PSMB2: variants seen among roughly 807,000 people sequenced by gnomAD.
PSMB2 encodes proteasome subunit beta type-2.
PSMB2 carries 13 observed loss-of-function variants against 25.7 expected under a neutral mutation model. The observed-to-expected ratio is 0.51, with a 90% CI of 0.33 to 0.80. The LOEUF is 0.80. Among genes scored for constraint, PSMB2 ranks in the 30% least tolerant of loss-of-function variants. The pLI is 0.02. For missense variants in PSMB2, 202 were observed against 259.0 expected, an observed-to-expected ratio of 0.78 and a Z score of 1.51; for synonymous variants, 87 against 96.2, an observed-to-expected ratio of 0.90 and a Z score of 0.56.
intron 3 of PSMB2, among the ~76,000 whole-genome samples, chr1:35,611,545 C>T (rs189666862): frequency 3.7e-4 from 56 of 152,136 alleles, no homozygotes; most frequent in Non-Finnish European, 4.3e-4. Context: ...AAGTCTTGGC[C>T]GGGCACGGTG....
In PSMB2 at chr1:35,602,209, G is replaced by C. The variant is rs1305476118; in HGVS notation, c.*1058C>G. 1 of 152,466 alleles carries C rather than the reference G, an allele frequency of 6.6e-6. No individual in the cohort carries two copies. The highest frequency in any genetic ancestry group is 2.4e-5 in the African/African-American group (1 of 41,460). The allele number at this position is 152,466 out of a possible 1,614,324, so 9.4% of individuals were successfully genotyped here. On this transcript the variant is annotated 3_prime_UTR_variant, in exon 6 of 6. Coordinates refer to ENST00000373237, the MANE Select transcript of PSMB2 (RefSeq NM_002794.5). ...AGCTGGGCATTGGTGGTGTGCGCCT[G>C]TAATCCTAGCTACTCAGGAGGCTGA... is the stretch of plus-strand genomic sequence containing the variant.
Position 35,603,070 on chromosome 1 carries a change from A to G in PSMB2, c.*197T>C. ...CAGGAAGAAAAGTCAGACCTGGCAA[A>G]AAGATCATCTTCCCTCCATATCCTT... is the stretch of plus-strand genomic sequence containing the variant. On this transcript the variant is annotated 3_prime_UTR_variant, in exon 6 of 6. Transcript: ENST00000373237. The G allele has an allele frequency of 2.2e-6, 3 of 1,347,304 alleles. No homozygotes were observed. The highest frequency in any genetic ancestry group is 2.9e-6 in the Non-Finnish European group (3 of 1,050,100). The allele number at this position is 1,347,304 out of a possible 1,614,324, so 83.5% of individuals were successfully genotyped here.
intron 3 of PSMB2, among the ~76,000 whole-genome samples, chr1:35,612,306 C>T (rs1253408452): frequency 6.7e-6 from 1 of 149,676 alleles, no homozygotes; most frequent in African/African-American, 2.5e-5. Flanking sequence ...TTTTTTTTAA[C>T]ATGTAAAACT....
rs535496540 is a variant in PSMB2, at chr1:35,623,458, G to C, written c.285+7816C>G. Reference sequence around the variant, plus strand: ...CCAAGAGCTGCATAATGAACATCTTGGTTTTCGTTTTTTATTTTTGAATTT... The same window carrying C: ...CCAAGAGCTGCATAATGAACATCTTCGTTTTCGTTTTTTATTTTTGAATTT... On this transcript the variant is annotated intron_variant, in intron 3 of 5. Coordinates refer to ENST00000373237, the MANE Select transcript of PSMB2 (RefSeq NM_002794.5). Among the ~76,000 whole-genome samples, 65 of 152,264 alleles carry C rather than the reference G, an allele frequency of 4.3e-4. 1 individual carries two copies. The highest frequency in any genetic ancestry group is 1.3e-4 in the Non-Finnish European group (9 of 68,030).
intron 1 of PSMB2, 141 bp downstream of exon 1, chr1:35,641,201 T>C: frequency 1.8e-6 from 2 of 1,111,864 alleles, no homozygotes; most frequent in Non-Finnish European, 1.3e-6. Context: ...AAAAAATAAA[T>C]AAATAAATAA....
At chr1:35,638,639 G>A (rs1228169369) in intron 1 of PSMB2, among the ~76,000 whole-genome samples, 2 of 152,108 alleles carry the variant, frequency 1.3e-5, no homozygotes, top group African/African-American at 4.8e-5. Flanking sequence ...ACATGCTATA[G>A]GAATTCAGAA....
intron 3 of PSMB2, among the ~76,000 whole-genome samples, chr1:35,622,153 G>A (rs1650708110): frequency 6.6e-6 from 1 of 152,060 alleles, no homozygotes. Flanking sequence ...ACTGTTTTTT[G>A]GGAGAGAGTA....
Position 35,636,399 on chromosome 1 carries a change from A to T in PSMB2, c.125T>A (p.Ile42Lys). The T allele has an allele frequency of 6.2e-7, 1 of 1,614,102 alleles. No homozygotes were observed. Among genetic ancestry groups the T allele is most frequent in the South Asian group, 1.1e-5 (1 of 91,084 alleles). The change falls in exon 2 of 6, where the codon ATA becomes AAA. Residue 42 changes from isoleucine to lysine, a missense_variant. By Grantham distance (102) the Ile-to-Lys change is moderately radical (BLOSUM62 -3). Transcript: ENST00000373237. Reference protein sequence around the residue: ...HDKMFKMSEKILLLCVGEAGD... With the variant: ...HDKMFKMSEKKLLLCVGEAGD... ...AGCCTCTCCAACACACAGGAGTAAT[A>T]TCTTTTCACTCATCTTAAACATCTT...
chr1:35,614,866 G>T (rs1344981603), intron 3 of PSMB2, among the ~76,000 whole-genome samples: 2 of 152,158 alleles, frequency 1.3e-5, no homozygotes, highest in African/African-American at 2.4e-5. Flanking sequence ...AGTGAGGGTG[G>T]GGTGAGGACG....
rs1649966815 is a variant in PSMB2 at position 35,600,698 on chromosome 1, G to C, written c.*2569C>G. On this transcript the variant is annotated 3_prime_UTR_variant, in exon 6 of 6. Transcript: ENST00000373237. ...AGCTATCTAGGAATGAGTTGATTTG[G>C]AGCTCAGGAAAGAGATCCAGATTGG... The C allele has an allele frequency of 1.0e-6, 1 of 985,296 alleles. No homozygotes were observed. The highest frequency in any genetic ancestry group is 6.1e-5 in the Admixed American group (1 of 16,270). 61.0% of individuals were successfully genotyped at this position (985,296 alleles called of 1,614,324 possible). A position where few individuals can be genotyped will look rare whatever the true frequency, so the allele number is the denominator to read the frequency against.
chr1:35,608,366 A>G (rs1218496494), intron 4 of PSMB2, among the ~76,000 whole-genome samples: 4 of 137,122 alleles, frequency 2.9e-5, no homozygotes, highest in Non-Finnish European at 6.0e-5. Flanking sequence ...CTCTGCCTCA[A>G]AAAAAAAAAA....
rs1428226543 is a variant in PSMB2 at position 35,641,497 on chromosome 1, C to T, written c.-65G>A. ...GAGACTCGCCCGCTTCCAGGTCTCA[C>T]CGGTGAGACAGCACCTCAGAGCGAA... On this transcript the variant is annotated 5_prime_UTR_variant, in exon 1 of 6. The change creates a new upstream start codon in the 5' untranslated region. Transcript: ENST00000373237. 6.2e-7 allele frequency: 1 copy of T among 1,607,756 alleles called. No homozygotes were observed. The highest frequency in any genetic ancestry group is 2.2e-5 in the East Asian group (1 of 44,568).
intron 3 of PSMB2, among the ~76,000 whole-genome samples, chr1:35,626,020 T>C (rs1046109001): frequency 5.9e-5 from 9 of 151,990 alleles, no homozygotes; most frequent in Non-Finnish European, 1.2e-4. Flanking sequence ...GTATTTTTAG[T>C]AGAGATGGGG....
intron 3 of PSMB2, among the ~76,000 whole-genome samples, chr1:35,628,631 A>ATATATATTT (rs1202256440): frequency 5.3e-5 from 2 of 38,086 alleles, no homozygotes; most frequent in African/African-American, 1.3e-4. Context: ...ATATATATAT[A>ATATATATTT]TTTTTTTTTT....
rs1010070764 is a variant in PSMB2, at chr1:35,600,592, A to T, written c.*2675T>A. The T allele has an allele frequency of 8.1e-6, 8 of 985,290 alleles. No individual in the cohort carries two copies. The African/African-American group carries it at 1.4e-4, about 17-fold the overall frequency. The allele number at this position is 985,290 out of a possible 1,614,324, so 61.0% of individuals were successfully genotyped here. On this transcript the variant is annotated 3_prime_UTR_variant, in exon 6 of 6. Coordinates refer to ENST00000373237, the MANE Select transcript of PSMB2 (RefSeq NM_002794.5). Reference sequence around the variant, plus strand: ...CTCTAATTCTCTAAGACAGAATGTCATAGAGGCGGTTTGGAGAGGGGCAGA... The same window carrying T: ...CTCTAATTCTCTAAGACAGAATGTCTTAGAGGCGGTTTGGAGAGGGGCAGA...
intron 4 of PSMB2, among the ~76,000 whole-genome samples, chr1:35,608,744 G>A (rs537198688): frequency 6.6e-6 from 1 of 152,292 alleles, no homozygotes; most frequent in East Asian, 1.9e-4. Context: ...CCAAGGGAAG[G>A]CTCAGATTTG....
chr1:35,631,228 A>T, intron 3 of PSMB2, 46 bp downstream of exon 3: 1 of 1,578,314 alleles, frequency 6.3e-7, no homozygotes, highest in Admixed American at 1.7e-5. Context: ...AAAGAAGCAC[A>T]AAGGATTTTT....
In PSMB2 at chr1:35,605,232, C is replaced by A; in HGVS notation, c.498+1G>T. The A allele has an allele frequency of 3.1e-6, 5 of 1,611,402 alleles. No homozygotes were observed. The highest frequency in any genetic ancestry group is 1.1e-5 in the South Asian group (1 of 90,694). On this transcript the variant is annotated splice_donor_variant, in intron 5 of 5. Coordinates refer to ENST00000373237, the MANE Select transcript of PSMB2 (RefSeq NM_002794.5). LOFTEE classifies it high-confidence loss of function. ...TTCAGGATCCTATGGGAACTACTCA[C>A]CTCCTCCAGACATTTCCTAAGGAGT...
chr1:35,623,469 T>C (rs1650753618), intron 3 of PSMB2, among the ~76,000 whole-genome samples: 1 of 152,216 alleles, frequency 6.6e-6, no homozygotes, highest in Non-Finnish European at 1.5e-5. Flanking sequence ...GTTTTCGTTT[T>C]TTATTTTTGA....
Sources: allele counts gnomAD v4.1 joint callset (sites outside exome capture counted in the v4.1 genomes callset), GRCh38; gene constraint gnomAD v4.1.1; transcripts MANE v1.5; gene names NCBI Gene and HGNC (gene_info 2026-07-23, HGNC 2026-07-21).